The following CCNY variants were observed in gnomAD, a reference collection of about 807,000 sequenced individuals.
CCNY encodes the protein cyclin Y.
In CCNY, 19 loss-of-function variants were observed where a neutral mutation model predicts 42.8. That is an observed-to-expected ratio of 0.44 (90% CI 0.31 to 0.65). The LOEUF (loss-of-function observed/expected upper bound fraction) is 0.65. CCNY is among the 30% of genes least tolerant of loss of function. The probability of loss-of-function intolerance (pLI) is 0.07; values close to 1 mark genes in which losing one functional copy is unlikely to be tolerated. For missense variants in CCNY, 370 were observed against 437.3 expected (o/e 0.85, Z 1.37); for synonymous variants, 165 against 162.7 (o/e 1.01, Z -0.11).
chr10:35,355,003 A>G (rs994796204), intron 1 of CCNY, among the ~76,000 whole-genome samples: 11 of 152,214 alleles, frequency 7.2e-5, no homozygotes, highest in Admixed American at 6.5e-4. Flanking sequence ...TTCTAGGACC[A>G]TAAAAGACTA....
chr10:35,449,864 C>T, intron 1 of CCNY: 1 of 925,418 alleles, frequency 1.1e-6, no homozygotes, highest in Non-Finnish European at 1.3e-6. Flanking sequence ...ACAAAAAGGG[C>T]CTTTCCAATG....
chr10:35,318,226 CTAAATAAATAAA>C (rs550041080), intron 3 of CCNY, among the ~76,000 whole-genome samples: 83 of 151,048 alleles, frequency 5.5e-4, no homozygotes, highest in African/African-American at 1.8e-3. Flanking sequence ...GACCCTATTT[CTAAATAAATAAA>C]TAAATAAATA....
chr10:35,568,998 A>C (rs1360971260), intron 9 of CCNY, 56 bp from the exon 10 acceptor site: 5 of 1,159,208 alleles, frequency 4.3e-6, no homozygotes, highest in Non-Finnish European at 6.5e-6. Context: ...AGGACGAGTG[A>C]GCAATGGACG....
At chr10:35,541,753 C>T (rs1305426911) in intron 7 of CCNY, among the ~76,000 whole-genome samples, 2 of 151,938 alleles carry the variant, frequency 1.3e-5, no homozygotes, top group African/African-American at 2.4e-5. Context: ...TAGTTTTTAC[C>T]CAGCATCCCT....
chr10:35,398,202 C>T (rs2085326454), intron 1 of CCNY, among the ~76,000 whole-genome samples: 1 of 152,206 alleles, frequency 6.6e-6, no homozygotes, highest in Non-Finnish European at 1.5e-5. Context: ...GCCTAGGGCC[C>T]CGACTGTGGG....
Position 35,262,525 on chromosome 10 carries a change from ATTTG to A in CCNY, c.-9+11903_-9+11906del, listed in dbSNP as rs201500446. Among the ~76,000 whole-genome samples the A allele has an allele frequency of 7.4e-3, 1,122 of 151,474 alleles. 13 individuals carry two copies. The highest frequency in any genetic ancestry group is 0.026 in the African/African-American group (1,058 of 41,262). On this transcript the variant is annotated intron_variant, in intron 3 of 11. Coordinates refer to the CCNY transcript ENST00000374706. ...AGGTGCACGCCACCACACCTGGCTT[ATTTG>A]TTTATGTTTTTTAATAGAGATGGGG...
At chr10:35,474,999 T>C (rs1589144713) in intron 1 of CCNY, among the ~76,000 whole-genome samples, 1 of 152,020 alleles carries the variant, frequency 6.6e-6, no homozygotes, top group South Asian at 2.1e-4. Context: ...ACGTGAAGAA[T>C]GCAGAAGCCT....
chr10:35,380,821 C>T (rs1034802376), intron 1 of CCNY, among the ~76,000 whole-genome samples: 1 of 152,202 alleles, frequency 6.6e-6, no homozygotes, highest in Non-Finnish European at 1.5e-5. Context: ...CTGACATACA[C>T]GGTCAGCTGA....
intron 7 of CCNY, among the ~76,000 whole-genome samples, chr10:35,538,586 A>G (rs1840933671): frequency 6.6e-6 from 1 of 152,120 alleles, no homozygotes; most frequent in Non-Finnish European, 1.5e-5. Flanking sequence ...ACATCTTTTC[A>G]TGTGTTTATT....
intron 1 of CCNY, among the ~76,000 whole-genome samples, chr10:35,348,526 C>T (rs1009588543): frequency 2.6e-5 from 4 of 152,204 alleles, no homozygotes; most frequent in African/African-American, 9.6e-5. Flanking sequence ...GACTTCGTCA[C>T]TCACAGTACG....
At chr10:35,482,801 T>TGTGTGTG (rs4007247) in intron 1 of CCNY, among the ~76,000 whole-genome samples, 2 of 140,920 alleles carry the variant, frequency 1.4e-5, no homozygotes, top group East Asian at 2.1e-4. Flanking sequence ...TGTGTGTGTG[T>TGTGTGTG]TATGTGTTTG....
intron 2 of CCNY, among the ~76,000 whole-genome samples, chr10:35,485,411 A>G (rs1012178724): frequency 2.0e-5 from 3 of 152,268 alleles, no homozygotes; most frequent in African/African-American, 7.2e-5. Context: ...ATAAATAATT[A>G]GAAAAAATCA....
intron 1 of CCNY, among the ~76,000 whole-genome samples, chr10:35,434,471 T>C (rs796389313): frequency 3.3e-5 from 5 of 152,332 alleles, no homozygotes; most frequent in African/African-American, 1.2e-4. Context: ...ATACTACACA[T>C]ATATGATTTT....
intron 8 of CCNY, among the ~76,000 whole-genome samples, chr10:35,565,140 G>A (rs1841543655): frequency 6.6e-6 from 1 of 152,192 alleles, no homozygotes; most frequent in Non-Finnish European, 1.5e-5. Flanking sequence ...TTGAAAGATA[G>A]CTGACATGAG....
At chr10:35,390,083 T>C (rs1319102426) in intron 1 of CCNY, among the ~76,000 whole-genome samples, 1 of 152,230 alleles carries the variant, frequency 6.6e-6, no homozygotes, top group Non-Finnish European at 1.5e-5. Flanking sequence ...TTTCAAAATG[T>C]GAGAACTATC....
chr10:35,530,195 A>G lies in CCNY; in HGVS notation c.531A>G (p.Thr177=), dbSNP rs1457295878. Residue 177 remains threonine, a synonymous_variant, in exon 7 of 10, where the codon ACA becomes ACG. Transcript: ENST00000374704. The surrounding 1 kb of genome is among the most constrained non-coding windows in gnomAD (Gnocchi z 4.3). ...AGCAGATTTACCGGTTCGTTCGGAC[A>G]CTGTTCAGTGCTGCTCAGCTGACGG... ...EQKQIYRFVR[T]LFSAAQLTAE... The G allele has an allele frequency of 5.0e-6, 8 of 1,614,228 alleles. No individual in the cohort carries two copies. In the South Asian group the frequency reaches 8.8e-5, roughly 18 times the overall value.
At chr10:35,340,860 G>A (rs1037024685) in intron 1 of CCNY, among the ~76,000 whole-genome samples, 2 of 151,864 alleles carry the variant, frequency 1.3e-5, no homozygotes, top group East Asian at 1.9e-4. Flanking sequence ...TTTCTCCCTC[G>A]TCCTGTATCA....
intron 5 of CCNY, among the ~76,000 whole-genome samples, chr10:35,528,707 G>A (rs1840703196): frequency 6.6e-6 from 1 of 152,172 alleles, no homozygotes; most frequent in African/African-American, 2.4e-5. Flanking sequence ...CCTGGTGACA[G>A]AGCAAGACTC....
At chr10:35,419,986 GTTTC>G (rs1458200322) in intron 1 of CCNY, among the ~76,000 whole-genome samples, 114 of 147,514 alleles carry the variant, frequency 7.7e-4, no homozygotes, top group Middle Eastern at 3.6e-3. Flanking sequence ...CCTGCAGATG[GTTTC>G]TTTCTTATCT....
Sources: gnomAD v4.1 joint callset for allele counts (sites outside exome capture counted in the v4.1 genomes callset) on GRCh38, gnomAD v4.1.1 for gene constraint, Gnocchi (gnomAD v3.1) non-coding constraint, MANE v1.5 for transcripts, NCBI Gene and HGNC (gene_info 2026-07-23, HGNC 2026-07-21) for gene names.